The following ADCY1 variants were observed in gnomAD, a reference collection of about 807,000 sequenced individuals.
ADCY1 encodes adenylate cyclase type 1.
Under a neutral mutation model 105.4 loss-of-function variants are expected in ADCY1, and 28 were observed. That is an observed-to-expected ratio of 0.27 (90% CI 0.20 to 0.36). ADCY1 has a LOEUF of 0.36. ADCY1 is among the 10% of genes least tolerant of loss of function. ADCY1 has a pLI of 1.00. For synonymous variants in ADCY1, 655 were observed against 623.8 expected (o/e 1.05, Z -0.75); for missense variants, 977 against 1,434.2 (o/e 0.68, Z 5.15).
chr7:45,700,695 T>A (rs1456464618), intron 14 of ADCY1, among the ~76,000 whole-genome samples: 22 of 152,210 alleles, frequency 1.4e-4, no homozygotes, highest in Admixed American at 1.4e-3. Context: ...CCAGATGCCC[T>A]GTGTCACTTG....
intron 6 of ADCY1, among the ~76,000 whole-genome samples, chr7:45,658,174 A>G (rs1794990596): frequency 6.6e-6 from 1 of 152,250 alleles, no homozygotes; most frequent in Non-Finnish European, 1.5e-5. Context: ...ACCTCTGCCC[A>G]TGGCATGGTG....
At chr7:45,675,292 C>T (rs1784435321) in intron 8 of ADCY1, among the ~76,000 whole-genome samples, 1 of 152,048 alleles carries the variant, frequency 6.6e-6, no homozygotes, top group Non-Finnish European at 1.5e-5. Flanking sequence ...AGTGTAGAAA[C>T]TTTACCTCTT....
rs143791951 is a variant in ADCY1 at position 45,599,494 on chromosome 7, T to G, written c.789+6586T>G. ...TCCGGGAATCCCAGAGTCTCCTCCC[T>G]GTCATTCTGTGGCCAGTGCTGCAAT... On this transcript the variant is annotated intron_variant, in intron 2 of 19. Transcript: ENST00000297323. Among the ~76,000 whole-genome samples the G allele has an allele frequency of 5.9e-5, 9 of 151,342 alleles. No homozygotes were observed. In the East Asian group the frequency reaches 1.8e-3, roughly 30 times the overall value.
At chr7:45,623,161 G>C (rs1793944529) in intron 4 of ADCY1, among the ~76,000 whole-genome samples, 2 of 152,192 alleles carry the variant, frequency 1.3e-5, no homozygotes, top group South Asian at 4.1e-4. Context: ...TCCTGGGATT[G>C]AAACTTGTCA....
At chr7:45,705,473 A>C (rs1184144469) in intron 17 of ADCY1, among the ~76,000 whole-genome samples, 1 of 152,252 alleles carries the variant, frequency 6.6e-6, no homozygotes, top group Admixed American at 6.5e-5. Context: ...AAGAAAAATT[A>C]TATAATCGTA....
intron 1 of ADCY1, among the ~76,000 whole-genome samples, chr7:45,577,940 A>C (rs2115694334): frequency 6.6e-6 from 1 of 152,346 alleles, no homozygotes; most frequent in African/African-American, 2.4e-5. Context: ...CCTGGGTTCA[A>C]GTCCCTGCTC....
intron 14 of ADCY1, among the ~76,000 whole-genome samples, chr7:45,687,122 G>T (rs754901331): frequency 2.1e-4 from 32 of 152,164 alleles, no homozygotes; most frequent in Non-Finnish European, 2.9e-4. Context: ...GCAGGTGGGG[G>T]CTGGACGTCT....
At chr7:45,642,831 G>T (rs946087389) in intron 4 of ADCY1, among the ~76,000 whole-genome samples, 2 of 152,154 alleles carry the variant, frequency 1.3e-5, no homozygotes, top group Non-Finnish European at 2.9e-5. Flanking sequence ...ATTTGACTTT[G>T]CAAGGTGGAG....
chr7:45,595,161 T>G (rs781175078), intron 2 of ADCY1, among the ~76,000 whole-genome samples: 1 of 152,230 alleles, frequency 6.6e-6, no homozygotes, highest in Admixed American at 6.5e-5. Flanking sequence ...TTTCCCAAAC[T>G]TGTGCTCTTT....
At chr7:45,665,130 A>C (rs1208550594) in intron 8 of ADCY1, among the ~76,000 whole-genome samples, 1 of 152,244 alleles carries the variant, frequency 6.6e-6, no homozygotes, top group Admixed American at 6.5e-5. Context: ...TTATGGCTGC[A>C]AAAATATGAT....
rs1302607983 is a variant in ADCY1 at position 45,713,839 on chromosome 7, G to A, written c.3204G>A (p.Leu1068=). ...TDGNGSQIRS[L]GLDRKMCPFG... Reference sequence around the variant, plus strand: ...GAAACGGCTCCCAAATCAGGTCCCTGGGCTTGGATCGGAAAATGTGTCCAT... The same window carrying A: ...GAAACGGCTCCCAAATCAGGTCCCTAGGCTTGGATCGGAAAATGTGTCCAT... Residue 1068 remains leucine (L), a synonymous_variant, in exon 20 of 20, where the codon CTG becomes CTA. Coordinates refer to ENST00000297323, the MANE Select transcript of ADCY1 (RefSeq NM_021116.4). 1.3e-6 allele frequency: 1 copy of A among 780,918 alleles called. No individual in the cohort carries two copies. The highest frequency in any genetic ancestry group is 1.7e-5 in the Admixed American group (1 of 59,052). The allele number at this position is 780,918 out of a possible 1,614,324, so 48.4% of individuals were successfully genotyped here. A position where few individuals can be genotyped will look rare whatever the true frequency, so the allele number is the denominator to read the frequency against.
Position 45,708,521 on chromosome 7 carries a change from C to T in ADCY1, c.2932+57C>T. The T allele has an allele frequency of 7.3e-7, 1 of 1,365,866 alleles. No individual in the cohort carries two copies. Among genetic ancestry groups the T allele is most frequent in the South Asian group, 1.2e-5 (1 of 83,168 alleles). 84.6% of individuals were successfully genotyped at this position (1,365,866 alleles called of 1,614,324 possible). A position where few individuals can be genotyped will look rare whatever the true frequency, so the allele number is the denominator to read the frequency against. ...ATGTGGAACACCTTCCTACACCCACCTAGGGGTGGGATCAGCTGATGAGGT... is the reference window on the plus strand; with the variant it reads ...ATGTGGAACACCTTCCTACACCCACTTAGGGGTGGGATCAGCTGATGAGGT... On this transcript the variant is annotated intron_variant, in intron 18 of 19. Coordinates refer to ENST00000297323, the MANE Select transcript of ADCY1 (RefSeq NM_021116.4). This position sits in a 1 kb window ranked among gnomAD's most constrained non-coding sequence, Gnocchi z 4.7.
chr7:45,685,682 G>T (rs568845760), intron 12 of ADCY1, among the ~76,000 whole-genome samples: 1 of 151,828 alleles, frequency 6.6e-6, no homozygotes, highest in African/African-American at 2.4e-5. Flanking sequence ...ACAGGTTGGA[G>T]CTGGGGGCAG....
chr7:45,622,822 A>G, intron 4 of ADCY1, 79 bp downstream of exon 4: 1 of 1,144,112 alleles, frequency 8.7e-7, no homozygotes, highest in Non-Finnish European at 1.3e-6. Context: ...GATTCCCTGT[A>G]TTTGGACCAT....
At chr7:45,705,146 A>C (rs1374839088) in intron 17 of ADCY1, among the ~76,000 whole-genome samples, 1 of 152,212 alleles carries the variant, frequency 6.6e-6, no homozygotes, top group Non-Finnish European at 1.5e-5. Context: ...CCAAATATTT[A>C]AGGAAGAAAT....
Position 45,703,119 on chromosome 7 carries a change from G to A in ADCY1, c.2455-257G>A, listed in dbSNP as rs1048543569. On this transcript the variant is annotated intron_variant, in intron 14 of 19. Transcript: ENST00000297323. The surrounding 1 kb of genome is among the most constrained non-coding windows in gnomAD (Gnocchi z 5.9). ...GGTGGCGGAGGGCAGGGCGGACCCTGGAAATGAGGTGAAGCCATAGTTTGT... is the reference window on the plus strand; with the variant it reads ...GGTGGCGGAGGGCAGGGCGGACCCTAGAAATGAGGTGAAGCCATAGTTTGT... 6.6e-6 allele frequency among the ~76,000 whole-genome samples: 1 copy of A among 152,196 alleles called. No individual in the cohort carries two copies. Among genetic ancestry groups the A allele is most frequent in the Non-Finnish European group, 1.5e-5 (1 of 68,030 alleles).
intron 5 of ADCY1, among the ~76,000 whole-genome samples, chr7:45,654,476 G>A (rs749855649): frequency 7.9e-5 from 12 of 152,316 alleles, no homozygotes; most frequent in Admixed American, 3.3e-4. Context: ...TGCTGTGGTC[G>A]TCAGTAGAAC....
chr7:45,607,106 A>G (rs187494665), intron 2 of ADCY1, among the ~76,000 whole-genome samples: 18 of 152,090 alleles, frequency 1.2e-4, no homozygotes, highest in Admixed American at 3.3e-4. Context: ...ATTAACTTGC[A>G]TTGGCTTAGA....
At chr7:45,592,310 C>T (rs56228853) in intron 1 of ADCY1, among the ~76,000 whole-genome samples, 2,449 of 152,224 alleles carry the variant, frequency 0.016, 19 homozygotes, top group South Asian at 0.031. Flanking sequence ...TACAGACAGC[C>T]GCCTTCCCTC....
Sources: gnomAD v4.1 joint callset for allele counts (sites outside exome capture counted in the v4.1 genomes callset) on GRCh38, gnomAD v4.1.1 for gene constraint, Gnocchi (gnomAD v3.1) non-coding constraint, MANE v1.5 for transcripts, NCBI Gene and HGNC (gene_info 2026-07-23, HGNC 2026-07-21) for gene names.